Variants in RFESD observed in about 807,000 individuals in gnomAD.
The protein encoded by RFESD is Rieske Fe-S domain containing.
A neutral mutation model predicts 24.4 loss-of-function variants in RFESD; 16 were observed. The observed-to-expected ratio is 0.66, with a 90% CI of 0.44 to 1.00. The LOEUF (loss-of-function observed/expected upper bound fraction) is 1.00. Ranked by LOEUF, RFESD falls within the 50% of genes least tolerant of loss-of-function variation. RFESD has a pLI of 0.00. For missense variants in RFESD, 208 were observed against 247.0 expected, an observed-to-expected ratio of 0.84 and a Z score of 1.06; for synonymous variants, 59 against 81.8, an observed-to-expected ratio of 0.72 and a Z score of 1.50.
chr5:95,654,049 A>T lies in RFESD; in HGVS notation c.159-12A>T, dbSNP rs371559749. The stretch of plus-strand genomic sequence containing the variant: ...ATACTTCTTGTAACTTTCCTTCTTT[A>T]TGTTCAACTAGCATGAATCTTGATG... On this transcript the variant is annotated splice_polypyrimidine_tract_variant and intron_variant, in intron 3 of 5. Transcript: ENST00000380005. 19 of 1,602,316 alleles carry T rather than the reference A, an allele frequency of 1.2e-5. No homozygotes were observed. The highest frequency in any genetic ancestry group is 1.0e-4 in the South Asian group (9 of 88,908).
At chr5:95,648,528 A>C (rs979394663) in intron 1 of RFESD, among the ~76,000 whole-genome samples, 2 of 152,228 alleles carry the variant, frequency 1.3e-5, no homozygotes, top group Admixed American at 1.3e-4. Flanking sequence ...AGTAAGAATA[A>C]TATGGGTGTT....
In RFESD at chr5:95,658,069, A is replaced by G. The variant is rs2112535422; in HGVS notation, c.*1760A>G. On this transcript the variant is annotated 3_prime_UTR_variant, in exon 6 of 6. Transcript: ENST00000380005. ...TAAATCTAGAAATAAAAATCATATC[A>G]TGTACTGTCTTCATATACAGAAATC... The G allele has an allele frequency of 6.6e-6, 1 of 152,302 alleles. No individual in the cohort carries two copies. The highest frequency in any genetic ancestry group is 2.1e-4 in the South Asian group (1 of 4,832). 9.4% of individuals were successfully genotyped at this position (152,302 alleles called of 1,614,324 possible). A position where few individuals can be genotyped will look rare whatever the true frequency, so the allele number is the denominator to read the frequency against.
At chr5:95,649,136 A>T (rs200708534) in intron 1 of RFESD, among the ~76,000 whole-genome samples, 1 of 75,424 alleles carries the variant, frequency 1.3e-5, no homozygotes, top group African/African-American at 3.8e-5. Flanking sequence ...AATTTTAATT[A>T]TAAGAAAAAA....
At chr5:95,648,344 C>CA (rs1750186390) in intron 1 of RFESD, among the ~76,000 whole-genome samples, 2 of 152,138 alleles carry the variant, frequency 1.3e-5, no homozygotes, top group African/African-American at 4.8e-5. Flanking sequence ...AACTAGCCGT[C>CA]AAACTGTATG....
intron 1 of RFESD, among the ~76,000 whole-genome samples, chr5:95,649,362 T>TGCTGTACAGCATTCCATTGAATGAAC (rs1409309394): frequency 6.6e-6 from 1 of 152,232 alleles, no homozygotes; most frequent in Non-Finnish European, 1.5e-5. Context: ...CATTTTTCAC[T>TGCTGTACAGCATTCCATTGAATGAAC]GCTGTACAGC....
At chr5:95,652,793 C>T in intron 2 of RFESD, 1 of 307,416 alleles carries the variant, frequency 3.3e-6, no homozygotes, top group Non-Finnish European at 6.0e-6. Flanking sequence ...TACTTTTTAT[C>T]CCCTACAGCA....
At chr5:95,651,662 G>T (rs1750348552) in intron 1 of RFESD, among the ~76,000 whole-genome samples, 1 of 152,188 alleles carries the variant, frequency 6.6e-6, no homozygotes, top group Non-Finnish European at 1.5e-5. Context: ...CTCCCAAAGT[G>T]CTGGGATTAC....
At chr5:95,647,372 A>G (rs1030675525) in intron 1 of RFESD, 2 of 152,220 alleles carry the variant, frequency 1.3e-5, no homozygotes, top group African/African-American at 2.4e-5. Context: ...AACATTTGAC[A>G]TGTGTTAAAG....
At chr5:95,655,871 G>C in intron 5 of RFESD, 175 bp from the exon 6 acceptor site, 1 of 586,302 alleles carries the variant, frequency 1.7e-6, no homozygotes, top group Non-Finnish European at 2.9e-6. Context: ...CTGTAAAAGA[G>C]CTTGATGACT....
Position 95,655,901 on chromosome 5 carries a change from C to T in RFESD, c.370-145C>T, listed in dbSNP as rs368220327. The T allele has an allele frequency of 1.0e-5, 7 of 692,016 alleles. No homozygotes were observed. In the East Asian group the frequency reaches 1.4e-4, roughly 13 times the overall value. 42.9% of individuals were successfully genotyped at this position (692,016 alleles called of 1,614,324 possible). A position where few individuals can be genotyped will look rare whatever the true frequency, so the allele number is the denominator to read the frequency against. ...ATGACTCTTCTCAGATTAGGATCTG[C>T]TTTATGCTGAATAATTTGTACATAG... is the stretch of plus-strand genomic sequence containing the variant. On this transcript the variant is annotated intron_variant, in intron 5 of 5. Coordinates refer to ENST00000380005, the MANE Select transcript of RFESD (RefSeq NM_001131066.2).
At position 95,653,184 on chromosome 5, in the gene RFESD, C is replaced by G. The variant is rs141035673; in HGVS notation, c.128C>G (p.Ala43Gly). 6.4e-7 allele frequency: 1 copy of G among 1,551,748 alleles called. No homozygotes were observed. The highest frequency in any genetic ancestry group is 8.7e-7 in the Non-Finnish European group (1 of 1,147,002). ...VHLHFGHFSS[A>G]VISVTSFYLS... ...TTGCATTTTGGGCATTTCAGCTCAGCTGTCATCTCAGTGACCAGTTTTTAT... is the reference window on the plus strand; with the variant it reads ...TTGCATTTTGGGCATTTCAGCTCAGGTGTCATCTCAGTGACCAGTTTTTAT... The change falls in exon 3 of 6, where the codon GCT becomes GGT. Residue 43 changes from alanine (A) to glycine (G), a missense_variant. Coordinates refer to ENST00000380005, the MANE Select transcript of RFESD (RefSeq NM_001131066.2).
intron 1 of RFESD, among the ~76,000 whole-genome samples, chr5:95,648,988 T>C (rs1263483178): frequency 6.7e-6 from 1 of 149,576 alleles, no homozygotes; most frequent in Non-Finnish European, 1.5e-5. Context: ...TACAAAATTC[T>C]CAAATAGTTA....
chr5:95,655,568 C>T (rs1750700834), intron 5 of RFESD: 1 of 152,814 alleles, frequency 6.5e-6, no homozygotes, highest in African/African-American at 2.4e-5. Context: ...GTTTGAGAAG[C>T]ACTTCACCAA....
chr5:95,646,982 G>T (rs1221996280), intron 1 of RFESD, 165 bp downstream of exon 1: 1 of 152,408 alleles, frequency 6.6e-6, no homozygotes, highest in Non-Finnish European at 1.5e-5. Flanking sequence ...CCGCCAAGGC[G>T]GGCTTCCGCC....
Position 95,656,100 on chromosome 5 carries a change from T to G in RFESD, c.424T>G (p.Leu142Val). Residue 142 changes from leucine to valine, a missense_variant, in exon 6 of 6, where the codon TTG becomes GTG. By Grantham distance (32) the Leu-to-Val change is conservative (BLOSUM62 1). Coordinates refer to ENST00000380005, the MANE Select transcript of RFESD (RefSeq NM_001131066.2). ...VCPWHKYKITLATGEGLYQSI... is the reference protein window; with the variant it reads ...VCPWHKYKITVATGEGLYQSI... The stretch of plus-strand genomic sequence containing the variant: ...CCCCTGGCATAAATACAAAATTACT[T>G]TGGCAACAGGAGAAGGTCTGTACCA... The G allele has an allele frequency of 6.2e-7, 1 of 1,613,740 alleles. No individual in the cohort carries two copies. The highest frequency in any genetic ancestry group is 8.5e-7 in the Non-Finnish European group (1 of 1,179,708).
Position 95,656,897 on chromosome 5 carries a change from C to A in RFESD, c.*588C>A, listed in dbSNP as rs1750795399. The A allele has an allele frequency of 6.6e-6, 1 of 152,118 alleles. No homozygotes were observed. The highest frequency in any genetic ancestry group is 2.4e-5 in the African/African-American group (1 of 41,428). 9.4% of individuals were successfully genotyped at this position (152,118 alleles called of 1,614,324 possible). On this transcript the variant is annotated 3_prime_UTR_variant, in exon 6 of 6. Transcript: ENST00000380005. The stretch of plus-strand genomic sequence containing the variant: ...AAATGTTCACCTCTGAACTGTGCAA[C>A]CTTCCTAAATAACAGACTTTTTATA...
In RFESD at chr5:95,656,492, A is replaced by G. The variant is rs1480620748; in HGVS notation, c.*183A>G. 3.6e-6 allele frequency: 2 copies of G among 547,974 alleles called. No homozygotes were observed. The highest frequency in any genetic ancestry group is 3.8e-5 in the African/African-American group (2 of 52,622). 33.9% of individuals were successfully genotyped at this position (547,974 alleles called of 1,614,324 possible). On this transcript the variant is annotated 3_prime_UTR_variant, in exon 6 of 6. Transcript: ENST00000380005. Reference sequence around the variant, plus strand: ...GATGTAAGGATTATCATCAGGATCAATAGAATACATTTTATCGAATCTTCT... The same window carrying G: ...GATGTAAGGATTATCATCAGGATCAGTAGAATACATTTTATCGAATCTTCT...
At chr5:95,655,936 A>T in intron 5 of RFESD, 110 bp from the exon 6 acceptor site, 2 of 989,674 alleles carry the variant, frequency 2.0e-6, no homozygotes, top group Non-Finnish European at 3.0e-6. Flanking sequence ...GGAGGAAAAA[A>T]AGAAAAGCTA....
intron 2 of RFESD, chr5:95,652,874 T>C: frequency 2.2e-6 from 1 of 462,878 alleles, no homozygotes; most frequent in Non-Finnish European, 3.7e-6. Flanking sequence ...CATCCATTGT[T>C]GTTTTGCTAT....
Sources: gnomAD v4.1 joint callset for allele counts (sites outside exome capture counted in the v4.1 genomes callset) on GRCh38, gnomAD v4.1.1 for gene constraint, MANE v1.5 for transcripts, NCBI Gene and HGNC (gene_info 2026-07-23, HGNC 2026-07-21) for gene names.